The following CCDC148 variants were observed in gnomAD, a reference collection of about 807,000 sequenced individuals.
The protein encoded by CCDC148 is coiled-coil domain containing 148.
Under a neutral mutation model 85.7 loss-of-function variants are expected in CCDC148, and 89 were observed. The observed-to-expected ratio is 1.04, with a 90% CI of 0.87 to 1.24. CCDC148 has a LOEUF of 1.24. Among genes scored for constraint, CCDC148 ranks in the 50% most tolerant of loss-of-function variants. The probability of loss-of-function intolerance (pLI) is 0.00; values close to 1 mark genes in which losing one functional copy is unlikely to be tolerated. For missense variants in CCDC148, 692 were observed against 671.7 expected, an observed-to-expected ratio of 1.03 and a Z score of -0.33; for synonymous variants, 230 against 213.9, an observed-to-expected ratio of 1.08 and a Z score of -0.66.
intron 1 of CCDC148, among the ~76,000 whole-genome samples, chr2:158,378,402 T>G (rs1388974570): frequency 1.3e-5 from 2 of 152,116 alleles, no homozygotes; most frequent in African/African-American, 4.8e-5. Context: ...GGTTGCTGTA[T>G]TCAGAACATA....
At chr2:158,210,959 GAAAAAAA>G (rs772015775) in intron 11 of CCDC148, among the ~76,000 whole-genome samples, 17 of 70,422 alleles carry the variant, frequency 2.4e-4, no homozygotes, top group Non-Finnish European at 4.3e-4. Context: ...ACTCTGTCTC[GAAAAAAA>G]AAAAAAAAAA....
In CCDC148 at chr2:158,172,199, T is replaced by G. The variant is rs201858817; in HGVS notation, c.1690A>C (p.Thr564Pro). The part of the protein sequence containing the change: ...LALREAGLHR[T>P]LYAKEILPKI... Reference sequence around the variant, plus strand: ...GGTAATATCTCTTTAGCATAAAGTGTTCTATGAAGTCCAGCTTCTCGAAGT... The same window carrying G: ...GGTAATATCTCTTTAGCATAAAGTGGTCTATGAAGTCCAGCTTCTCGAAGT... Residue 564 changes from threonine (T) to proline (P), a missense_variant, in exon 14 of 14, where the codon ACA (threonine) becomes CCA (proline). Physicochemically the swap from Thr to Pro is conservative, Grantham distance 38. Transcript: ENST00000283233. 6 of 1,609,688 alleles carry G rather than the reference T, an allele frequency of 3.7e-6. No individual in the cohort carries two copies. In the African/African-American group the frequency reaches 8.0e-5, roughly 22 times the overall value.
rs894114718 is a variant in CCDC148, at chr2:158,171,770, C to T, written c.*343G>A. ...AGCAGAAATGAACATTAGCAGGTAG[C>T]AGCTACATAATTTATAATTCTCACA... On this transcript the variant is annotated 3_prime_UTR_variant, in exon 14 of 14. Coordinates refer to ENST00000283233, the MANE Select transcript of CCDC148 (RefSeq NM_138803.4). 3.2e-5 allele frequency: 5 copies of T among 157,110 alleles called. No homozygotes were observed. In the East Asian group the frequency reaches 7.4e-4, roughly 23 times the overall value. 9.7% of individuals were successfully genotyped at this position (157,110 alleles called of 1,614,324 possible).
At chr2:158,287,247 G>A (rs971965000) in intron 9 of CCDC148, among the ~76,000 whole-genome samples, 2 of 152,080 alleles carry the variant, frequency 1.3e-5, no homozygotes, top group Admixed American at 1.3e-4. Flanking sequence ...TGGGGACACA[G>A]CCATACCATA....
At chr2:158,287,487 C>A (rs549623287) in intron 9 of CCDC148, among the ~76,000 whole-genome samples, 1 of 152,068 alleles carries the variant, frequency 6.6e-6, no homozygotes, top group East Asian at 1.9e-4. Flanking sequence ...GTAAATAGAG[C>A]CATTTTAATG....
chr2:158,338,314 A>G (rs893304870), intron 7 of CCDC148, among the ~76,000 whole-genome samples: 2 of 152,170 alleles, frequency 1.3e-5, no homozygotes, highest in African/African-American at 4.8e-5. Context: ...TTTAGAAAAC[A>G]TACTCTGTGT....
At chr2:158,277,541 C>A (rs1370207256) in intron 9 of CCDC148, among the ~76,000 whole-genome samples, 1 of 152,166 alleles carries the variant, frequency 6.6e-6, no homozygotes, top group Non-Finnish European at 1.5e-5. Context: ...TACACCATGT[C>A]ATTTACAGGC....
chr2:158,388,737 G>A (rs57790795), intron 1 of CCDC148, among the ~76,000 whole-genome samples: 15,293 of 152,000 alleles, frequency 0.1, 1,263 homozygotes, highest in African/African-American at 0.23. Flanking sequence ...TCAGGTGATC[G>A]ACCTGCCTGG....
chr2:158,456,688 G>C lies in CCDC148; in HGVS notation c.-249C>G, dbSNP rs940849792. ...CCACCCCCTCCCGCGCCCGAGACCT[G>C]AGACACCTTCTCTCTCACACCCACC... is the stretch of plus-strand genomic sequence containing the variant. On this transcript the variant is annotated 5_prime_UTR_variant, in exon 1 of 14. It introduces an in-frame stop codon into an upstream open reading frame of the 5' UTR. Transcript: ENST00000283233. 2 of 564,740 alleles carry C rather than the reference G, an allele frequency of 3.5e-6. No homozygotes were observed. Among genetic ancestry groups the C allele is most frequent in the Non-Finnish European group, 3.1e-6 (1 of 317,876 alleles). The allele number at this position is 564,740 out of a possible 1,614,324, so 35.0% of individuals were successfully genotyped here. A position where few individuals can be genotyped will look rare whatever the true frequency, so the allele number is the denominator to read the frequency against.
chr2:158,302,886 T>A (rs1324447187), intron 9 of CCDC148, among the ~76,000 whole-genome samples: 2 of 152,140 alleles, frequency 1.3e-5, no homozygotes, highest in East Asian at 3.9e-4. Context: ...ACAGACTGGT[T>A]CAGGCAGTAG....
intron 1 of CCDC148, among the ~76,000 whole-genome samples, chr2:158,388,419 C>T (rs1685176915): frequency 6.6e-6 from 1 of 152,130 alleles, no homozygotes; most frequent in South Asian, 2.1e-4. Flanking sequence ...TGTGGGATTC[C>T]AAACCCAGCT....
At chr2:158,222,480 C>A (rs1687241067) in intron 10 of CCDC148, among the ~76,000 whole-genome samples, 1 of 152,108 alleles carries the variant, frequency 6.6e-6, no homozygotes, top group Admixed American at 6.6e-5. Flanking sequence ...TTCTCTCTCT[C>A]TCTCTCTCTA....
In CCDC148 at chr2:158,230,203, G is replaced by A. The variant is rs1207463585; in HGVS notation, c.1252-9490C>T. 3.9e-5 allele frequency among the ~76,000 whole-genome samples: 6 copies of A among 152,246 alleles called. No individual in the cohort carries two copies. The East Asian group carries it at 1.2e-3, about 29-fold the overall frequency. On this transcript the variant is annotated intron_variant, in intron 10 of 13. Transcript: ENST00000283233. ...AAAAAAAATAAAGCCTCTGTCTTGT[G>A]GAACTGAGACTTTCTAGAAAGGGAG...
intron 10 of CCDC148, among the ~76,000 whole-genome samples, chr2:158,223,968 G>A (rs1018138604): frequency 9.9e-5 from 15 of 152,232 alleles, no homozygotes; most frequent in Admixed American, 2.0e-4. Context: ...AAGCTGAATG[G>A]AGAATGACTT....
chr2:158,370,572 T>C lies in CCDC148; in HGVS notation c.26-12002A>G, dbSNP rs184049851. On this transcript the variant is annotated intron_variant, in intron 1 of 13. Transcript: ENST00000283233. Reference sequence around the variant, plus strand: ...CAAAGTCCAGCTGAAGCAATATTTTTCTAACATCCAGAATTCATTTTTAAA... The same window carrying C: ...CAAAGTCCAGCTGAAGCAATATTTTCCTAACATCCAGAATTCATTTTTAAA... Among the ~76,000 whole-genome samples, 37 of 152,126 alleles carry C rather than the reference T, an allele frequency of 2.4e-4. No homozygotes were observed. In the East Asian group the frequency reaches 7.2e-3, roughly 29 times the overall value.
At chr2:158,222,616 T>G (rs1245725817) in intron 10 of CCDC148, among the ~76,000 whole-genome samples, 1 of 152,184 alleles carries the variant, frequency 6.6e-6, no homozygotes, top group Non-Finnish European at 1.5e-5. Context: ...GAGTGAAGGA[T>G]ACTCATATTC....
intron 1 of CCDC148, among the ~76,000 whole-genome samples, chr2:158,438,573 T>C (rs1687779464): frequency 6.6e-6 from 1 of 152,154 alleles, no homozygotes; most frequent in African/African-American, 2.4e-5. Flanking sequence ...GGGCAAGGAC[T>C]TCATGTCCAA....
intron 9 of CCDC148, among the ~76,000 whole-genome samples, chr2:158,294,696 T>G (rs1574566841): frequency 6.6e-6 from 1 of 151,872 alleles, no homozygotes. Flanking sequence ...TGGTGGCTGG[T>G]GCCTGTAATC....
Position 158,411,816 on chromosome 2 carries a change from T to C in CCDC148, c.25+44599A>G, listed in dbSNP as rs568403230. Among the ~76,000 whole-genome samples, 40 of 152,280 alleles carry C rather than the reference T, an allele frequency of 2.6e-4. 1 individual carries two copies. Among genetic ancestry groups the C allele is most frequent in the African/African-American group, 9.6e-4 (40 of 41,564 alleles). ...TGAAGGAGTTATTTCTTCCATACTTTATGGTCTGGCTTTGGTGGGGAGAGA... is the reference window on the plus strand; with the variant it reads ...TGAAGGAGTTATTTCTTCCATACTTCATGGTCTGGCTTTGGTGGGGAGAGA... On this transcript the variant is annotated intron_variant, in intron 1 of 13. Transcript: ENST00000283233.
Sources: gnomAD v4.1 joint callset for allele counts (sites outside exome capture counted in the v4.1 genomes callset) on GRCh38, gnomAD v4.1.1 for gene constraint, MANE v1.5 for transcripts, NCBI Gene and HGNC (gene_info 2026-07-23, HGNC 2026-07-21) for gene names.